GRM8: variants seen among roughly 807,000 people sequenced by gnomAD.
The protein encoded by GRM8 is glutamate metabotropic receptor 8, also known as metabotropic glutamate receptor 8.
GRM8 carries 47 observed loss-of-function variants against 87.2 expected under a neutral mutation model. The observed-to-expected ratio is 0.54, with a 90% CI of 0.43 to 0.69. The LOEUF is 0.69. Among genes scored for constraint, GRM8 ranks in the 30% least tolerant of loss-of-function variants. The pLI is 0.00. For missense variants in GRM8, 1,019 were observed against 1,139.2 expected (o/e 0.89, Z 1.52); for synonymous variants, 396 against 404.5 (o/e 0.98, Z 0.25).
In GRM8 at chr7:127,252,210, C is replaced by G. The variant is rs1473186511; in HGVS notation, c.-312+587G>C. The G allele has an allele frequency of 2.6e-5, 4 of 152,246 alleles. No individual in the cohort carries two copies. The highest frequency in any genetic ancestry group is 1.5e-5 in the Non-Finnish European group (1 of 68,094). 9.4% of individuals were successfully genotyped at this position (152,246 alleles called of 1,614,324 possible). A position where few individuals can be genotyped will look rare whatever the true frequency, so the allele number is the denominator to read the frequency against. ...CCAGGGCAGACGATCCGAGGCAGAG[C>G]GCTTTAAAATCCTGCCGCCGCACGC... On this transcript the variant is annotated intron_variant, in intron 1 of 10. Coordinates refer to ENST00000339582, the MANE Select transcript of GRM8 (RefSeq NM_000845.3). This position sits in a 1 kb window ranked among gnomAD's most constrained non-coding sequence, Gnocchi z 4.9.
intron 6 of GRM8, among the ~76,000 whole-genome samples, chr7:126,821,783 T>A (rs1197477432): frequency 6.6e-6 from 1 of 152,188 alleles, no homozygotes; most frequent in East Asian, 1.9e-4. Context: ...GAAATTATCA[T>A]CAGTGCAATA....
intron 2 of GRM8, among the ~76,000 whole-genome samples, chr7:127,198,820 A>T (rs1448288243): frequency 6.7e-6 from 1 of 149,240 alleles, no homozygotes; most frequent in Non-Finnish European, 1.5e-5. Context: ...GATTACAGGC[A>T]AGCACCACCG....
At chr7:126,820,690 T>TTC (rs1246701753) in intron 6 of GRM8, among the ~76,000 whole-genome samples, 4 of 151,902 alleles carry the variant, frequency 2.6e-5, no homozygotes, top group South Asian at 2.1e-4. Context: ...TACCAGTTCT[T>TTC]TCTCTCTCTC....
At chr7:126,919,260 G>T (rs1371327964) in intron 3 of GRM8, among the ~76,000 whole-genome samples, 2 of 152,098 alleles carry the variant, frequency 1.3e-5, no homozygotes, top group Non-Finnish European at 2.9e-5. Context: ...AAAAAGAAGG[G>T]TGCTTGACAG....
intron 2 of GRM8, among the ~76,000 whole-genome samples, chr7:127,220,032 C>T (rs1005859700): frequency 6.6e-6 from 1 of 152,184 alleles, no homozygotes; most frequent in African/African-American, 2.4e-5. Context: ...TGAATCTATA[C>T]CATTATTTCA....
At chr7:126,584,394 T>C (rs1374201003) in intron 8 of GRM8, among the ~76,000 whole-genome samples, 1 of 152,084 alleles carries the variant, frequency 6.6e-6, no homozygotes, top group Non-Finnish European at 1.5e-5. Flanking sequence ...CCGACTAATT[T>C]TGGTATTTTT....
chr7:126,933,893 G>T (rs534367271), intron 3 of GRM8, among the ~76,000 whole-genome samples: 2 of 152,276 alleles, frequency 1.3e-5, no homozygotes, highest in African/African-American at 4.8e-5. Context: ...AGAGCTTAGT[G>T]AATACATGTG....
chr7:126,785,334 T>C (rs143191914), intron 6 of GRM8, among the ~76,000 whole-genome samples: 1 of 152,282 alleles, frequency 6.6e-6, no homozygotes, highest in African/African-American at 2.4e-5. Context: ...TACTTCCTTA[T>C]TGCAATGCAC....
intron 6 of GRM8, among the ~76,000 whole-genome samples, chr7:126,857,531 C>A (rs1797793343): frequency 6.6e-6 from 1 of 152,098 alleles, no homozygotes; most frequent in Non-Finnish European, 1.5e-5. Context: ...AAAAGAAATC[C>A]TCCCAAGCTT....
At chr7:126,863,449 T>C (rs942646507) in intron 6 of GRM8, among the ~76,000 whole-genome samples, 1 of 152,154 alleles carries the variant, frequency 6.6e-6, no homozygotes, top group Non-Finnish European at 1.5e-5. Context: ...CACAAGGTAC[T>C]ATGATGATCA....
intron 9 of GRM8, among the ~76,000 whole-genome samples, chr7:126,477,621 A>AAGAAAGAAAAAACGAAAG: frequency 6.6e-6 from 1 of 150,992 alleles, no homozygotes; most frequent in Non-Finnish European, 1.5e-5. Context: ...GAAAGAAAGA[A>AAGAAAGAAAAAACGAAAG]AGAAAGAAAG....
intron 8 of GRM8, among the ~76,000 whole-genome samples, chr7:126,600,758 T>G (rs961328465): frequency 1.3e-5 from 2 of 152,186 alleles, no homozygotes; most frequent in African/African-American, 4.8e-5. Flanking sequence ...TTGTTATCTT[T>G]TATCTTGTTA....
rs1386205656 is a variant in GRM8, at chr7:126,903,608, C to T, written c.1018+364G>A. ...CACACACACACACACACACTATATA[C>T]ATATATACATATATATATGTATATG... On this transcript the variant is annotated intron_variant, in intron 5 of 10. Transcript: ENST00000339582. Among the ~76,000 whole-genome samples the T allele has an allele frequency of 3.3e-4, 45 of 137,458 alleles. 1 individual carries two copies. Among genetic ancestry groups the T allele is most frequent in the East Asian group, 2.9e-3 (14 of 4,864 alleles). 90.2% of individuals were successfully genotyped at this position (137,458 alleles called of 152,430 possible). A position where few individuals can be genotyped will look rare whatever the true frequency, so the allele number is the denominator to read the frequency against.
At chr7:127,134,559 T>G (rs921123765) in intron 2 of GRM8, among the ~76,000 whole-genome samples, 4 of 152,152 alleles carry the variant, frequency 2.6e-5, no homozygotes, top group African/African-American at 9.6e-5. Flanking sequence ...GTAAAGATGG[T>G]CAAAATATTA....
At chr7:126,503,832 C>T (rs367756524) in intron 9 of GRM8, among the ~76,000 whole-genome samples, 9 of 152,076 alleles carry the variant, frequency 5.9e-5, no homozygotes, top group South Asian at 2.1e-4. Context: ...CTATCACTTA[C>T]GGGCTGAGGC....
chr7:127,056,638 A>G (rs1820017565), intron 3 of GRM8, among the ~76,000 whole-genome samples: 1 of 152,232 alleles, frequency 6.6e-6, no homozygotes, highest in South Asian at 2.1e-4. Context: ...AGCTCCATTT[A>G]TTAATGAAAA....
chr7:127,119,516 A>ACG (rs1826905594), intron 2 of GRM8, among the ~76,000 whole-genome samples: 2 of 149,158 alleles, frequency 1.3e-5, no homozygotes, highest in Non-Finnish European at 3.0e-5. Flanking sequence ...ACACACACAC[A>ACG]TGCACACACA....
chr7:126,748,468 T>C (rs1345746899), intron 7 of GRM8, among the ~76,000 whole-genome samples: 1 of 152,028 alleles, frequency 6.6e-6, no homozygotes, highest in Non-Finnish European at 1.5e-5. Flanking sequence ...TTTAAAACAT[T>C]GTGGAGATAA....
At chr7:126,752,142 G>A (rs1816493004) in intron 7 of GRM8, among the ~76,000 whole-genome samples, 1 of 152,026 alleles carries the variant, frequency 6.6e-6, no homozygotes, top group South Asian at 2.1e-4. Flanking sequence ...CATTAAAATG[G>A]CTATATTGGT....
Sources: allele counts gnomAD v4.1 joint callset (sites outside exome capture counted in the v4.1 genomes callset), GRCh38; gene constraint gnomAD v4.1.1; non-coding constraint Gnocchi (gnomAD v3.1); transcripts MANE v1.5; gene names NCBI Gene and HGNC (gene_info 2026-07-23, HGNC 2026-07-21).